DOCK11: variants seen among roughly 807,000 people sequenced by gnomAD.
The protein encoded by DOCK11 is dedicator of cytokinesis 11.
DOCK11 carries 70 observed loss-of-function variants against 169.1 expected under a neutral mutation model. The ratio of observed to expected loss-of-function variants is 0.41; its 90% CI spans 0.34 to 0.51. DOCK11 has a LOEUF of 0.51. DOCK11 is among the 20% of genes least tolerant of loss of function. The pLI, the probability that DOCK11 is intolerant of heterozygous loss-of-function variation, is 0.10. For missense variants in DOCK11, 1,166 were observed against 1,538.8 expected (o/e 0.76, Z 4.05); for synonymous variants, 529 against 541.3 (o/e 0.98, Z 0.32).
chrX:118,545,449 C>A, intron 5 of DOCK11, 57 bp downstream of exon 5: 2 of 865,846 alleles, frequency 2.3e-6, no homozygotes, highest in Non-Finnish European at 3.2e-6. Flanking sequence ...GGTCACTTTG[C>A]TGAAAAAGAT....
chrX:118,598,891 C>G (rs1262400151), intron 22 of DOCK11, among the ~76,000 whole-genome samples: 1 of 112,085 alleles, frequency 8.9e-6, no homozygotes, highest in Non-Finnish European at 1.9e-5. Flanking sequence ...ATAGAACACA[C>G]TAGTCAAAGT....
intron 41 of DOCK11, among the ~76,000 whole-genome samples, chrX:118,649,570 G>C (rs1022652396): frequency 2.7e-5 from 3 of 111,579 alleles, no homozygotes; most frequent in African/African-American, 9.8e-5. Flanking sequence ...CCAGGCTGGA[G>C]TGCTGTGGCA....
At chrX:118,659,784 A>G (rs2016168380) in intron 44 of DOCK11, among the ~76,000 whole-genome samples, 1 of 111,919 alleles carries the variant, frequency 8.9e-6, no homozygotes, top group South Asian at 3.7e-4. Flanking sequence ...AATTTTCCCT[A>G]CTTCTACTTA....
At chrX:118,556,070 G>T (rs1185404568) in intron 6 of DOCK11, among the ~76,000 whole-genome samples, 2 of 105,611 alleles carry the variant, frequency 1.9e-5, no homozygotes, top group African/African-American at 6.9e-5. Flanking sequence ...TTTGACAGAG[G>T]ATCTCGCTCT....
chrX:118,573,151 C>T (rs1452547255), intron 11 of DOCK11, among the ~76,000 whole-genome samples: 3 of 112,164 alleles, frequency 2.7e-5, no homozygotes, highest in Admixed American at 1.9e-4. Context: ...TTTATTTTTT[C>T]GTTCTAGTTT....
intron 31 of DOCK11, among the ~76,000 whole-genome samples, chrX:118,621,195 T>C (rs902927381): frequency 8.9e-6 from 1 of 112,494 alleles, no homozygotes; most frequent in Non-Finnish European, 1.9e-5. Flanking sequence ...CATACAGGCA[T>C]TAAATGACGA....
intron 26 of DOCK11, 140 bp from the exon 27 acceptor site, chrX:118,609,138 A>G: frequency 2.2e-6 from 1 of 448,793 alleles, no homozygotes; most frequent in Non-Finnish European, 3.9e-6. Flanking sequence ...ATTTGCAGAT[A>G]TTCTGTGACT....
At chrX:118,546,299 A>G (rs1234961019) in intron 6 of DOCK11, among the ~76,000 whole-genome samples, 183 bp downstream of exon 6, 1 of 108,989 alleles carries the variant, frequency 9.2e-6, no homozygotes, top group Non-Finnish European at 1.9e-5. Flanking sequence ...TAGAAGTGCA[A>G]CTTTTTAAAG....
intron 1 of DOCK11, among the ~76,000 whole-genome samples, chrX:118,535,495 A>G (rs750942248): frequency 6.3e-5 from 7 of 111,972 alleles, no homozygotes; most frequent in Non-Finnish European, 1.3e-4. Flanking sequence ...GATCCTGCCT[A>G]GGAGACTAAG....
intron 30 of DOCK11, among the ~76,000 whole-genome samples, chrX:118,616,027 C>T (rs1301947578): frequency 9.0e-6 from 1 of 111,555 alleles, no homozygotes; most frequent in African/African-American, 3.3e-5. Context: ...ATGCATTTCT[C>T]CTCAAAGCAT....
chrX:118,621,131 C>T (rs1477862208), intron 31 of DOCK11, among the ~76,000 whole-genome samples: 3 of 112,579 alleles, frequency 2.7e-5, no homozygotes, highest in Non-Finnish European at 5.6e-5. Flanking sequence ...AAATGCCAAG[C>T]CTTATTACTC....
At chrX:118,675,483 G>C (rs2016586454) in intron 46 of DOCK11, among the ~76,000 whole-genome samples, 1 of 109,617 alleles carries the variant, frequency 9.1e-6, no homozygotes, top group South Asian at 4.0e-4. Flanking sequence ...TTGAGGAACA[G>C]AAAACCACAT....
intron 6 of DOCK11, among the ~76,000 whole-genome samples, chrX:118,559,284 C>T (rs1478619669): frequency 8.9e-6 from 1 of 112,011 alleles, no homozygotes; most frequent in Non-Finnish European, 1.9e-5. Context: ...TGTATTTTCT[C>T]TTCTTCTGCC....
rs193035765 is a variant in DOCK11 at position 118,584,663 on chromosome X, A to G, written c.1596-72A>G. 6.5e-5 allele frequency: 65 copies of G among 994,749 alleles called. No homozygotes were observed. In the African/African-American group the frequency reaches 1.2e-3, roughly 18 times the overall value. The allele number at this position is 994,749 out of a possible 1,213,427, so 82.0% of individuals were successfully genotyped here. A position where few individuals can be genotyped will look rare whatever the true frequency, so the allele number is the denominator to read the frequency against. On this transcript the variant is annotated intron_variant, in intron 14 of 52. Transcript: ENST00000276202. The stretch of plus-strand genomic sequence containing the variant: ...GGTTTCACCATTTTACATCCCGACC[A>G]TTGCTAATTTTATCTTAATTTATCA...
intron 46 of DOCK11, among the ~76,000 whole-genome samples, chrX:118,675,039 G>GTTT (rs2016576313): frequency 9.0e-6 from 1 of 111,639 alleles, no homozygotes; most frequent in Non-Finnish European, 1.9e-5. Context: ...TTGTTGTTGA[G>GTTT]TGGTAAGAAG....
At chrX:118,497,915 G>A (rs1283861169) in intron 1 of DOCK11, among the ~76,000 whole-genome samples, 2 of 112,232 alleles carry the variant, frequency 1.8e-5, no homozygotes, top group African/African-American at 6.5e-5. Context: ...TCTTTCCCCT[G>A]TTTTTAGGTT....
rs750536146 is a variant in DOCK11 at position 118,578,541 on chromosome X, C to G, written c.1406C>G (p.Thr469Arg). 1 of 1,206,241 alleles carries G rather than the reference C, an allele frequency of 8.3e-7. No homozygotes were observed. The highest frequency in any genetic ancestry group is 1.1e-6 in the Non-Finnish European group (1 of 893,042). Residue 469 changes from threonine (T) to arginine (R), a missense_variant, in exon 13 of 53, where the codon ACG becomes AGG. Coordinates refer to ENST00000276202, the MANE Select transcript of DOCK11 (RefSeq NM_144658.4). The part of the protein sequence containing the change: ...RYIQQGIFSV[T>R]NPHPEIFLVA... ...TTTTCCCAGGGAATTTTCTCAGTGA[C>G]GAATCCACATCCTGAAATTTTTCTA...
intron 7 of DOCK11, 145 bp from the exon 8 acceptor site, chrX:118,565,860 G>T (rs1054453492): frequency 1.2e-5 from 7 of 589,896 alleles, no homozygotes; most frequent in African/African-American, 2.3e-5. Flanking sequence ...TAGAGTGTCT[G>T]TTTCTTACTG....
intron 19 of DOCK11, among the ~76,000 whole-genome samples, chrX:118,592,047 G>A (rs1252353987): frequency 2.8e-5 from 3 of 106,834 alleles, no homozygotes; most frequent in Admixed American, 2.0e-4. Flanking sequence ...GGACATTTGG[G>A]TTGGTTCCAA....
Sources: allele counts gnomAD v4.1 joint callset (sites outside exome capture counted in the v4.1 genomes callset), GRCh38; gene constraint gnomAD v4.1.1; transcripts MANE v1.5; gene names NCBI Gene and HGNC (gene_info 2026-07-23, HGNC 2026-07-21).